Variants in NOTO observed in about 807,000 individuals in gnomAD.
NOTO encodes homeobox protein notochord.
In NOTO, 19 loss-of-function variants were observed where a neutral mutation model predicts 20.5. The observed-to-expected ratio is 0.93, with a 90% CI of 0.65 to 1.36. The LOEUF is 1.36. NOTO is among the 40% of genes most tolerant of loss of function. NOTO has a pLI of 0.00. For synonymous variants in NOTO, 150 were observed against 150.2 expected, an observed-to-expected ratio of 1.00 and a Z score of 0.01; for missense variants, 369 against 336.2, an observed-to-expected ratio of 1.10 and a Z score of -0.76.
chr2:73,204,735 C>T (rs896646014), intron 1 of NOTO, among the ~76,000 whole-genome samples: 3 of 152,148 alleles, frequency 2.0e-5, no homozygotes, highest in Non-Finnish European at 4.4e-5. Context: ...GACGGAGTCT[C>T]ACTCTGTCTC....
intron 1 of NOTO, among the ~76,000 whole-genome samples, chr2:73,204,884 TTTA>T (rs1259103290): frequency 0.014 from 1,099 of 76,872 alleles, 119 homozygotes; most frequent in African/African-American, 0.038. Context: ...TTTTTATTTT[TTTA>T]TTTTTTTTTT....
intron 2 of NOTO, among the ~76,000 whole-genome samples, chr2:73,209,425 A>G (rs900544325): frequency 1.3e-5 from 2 of 151,996 alleles, no homozygotes; most frequent in Non-Finnish European, 2.9e-5. Flanking sequence ...CAAGGTCTCT[A>G]ATAACCTCCA....
chr2:73,202,674 G>A lies in NOTO; in HGVS notation c.8G>A (p.Ser3Asn). 1 of 1,488,032 alleles carries A rather than the reference G, an allele frequency of 6.7e-7. No homozygotes were observed. Among genetic ancestry groups the A allele is most frequent in the Non-Finnish European group, 8.9e-7 (1 of 1,126,962 alleles). The allele number at this position is 1,488,032 out of a possible 1,614,324, so 92.2% of individuals were successfully genotyped here. ...CCGGGCAACGGCCGCGTCATGCCTA[G>A]CCCCAGGCCGCGAGGCAGCCCGCCA... MP[S>N]PRPRGSPPPA... is the part of the protein sequence containing the mutation. The change falls in exon 1 of 3, where the codon AGC becomes AAC. Residue 3 changes from serine to asparagine, a missense_variant. Transcript: ENST00000398468.
chr2:73,208,578 C>G lies in NOTO; in HGVS notation c.561C>G (p.Ala187=), dbSNP rs2103695141. The change falls in exon 2 of 3, where the codon GCC becomes GCG. Residue 187 remains alanine, a synonymous_variant. Transcript: ENST00000398468. ...KQHNLVGKKR[A]QLAARLKLTE... is the part of the protein sequence containing the mutation. ...ACAATCTGGTGGGGAAGAAGAGAGC[C>G]CAGCTGGCAGCTCGGCTCAAACTTA... 6.4e-7 allele frequency: 1 copy of G among 1,551,354 alleles called. No individual in the cohort carries two copies. Among genetic ancestry groups the G allele is most frequent in the Admixed American group, 2.0e-5 (1 of 50,998 alleles).
At chr2:73,205,299 C>T (rs1033766390) in intron 1 of NOTO, among the ~76,000 whole-genome samples, 2 of 152,122 alleles carry the variant, frequency 1.3e-5, no homozygotes, top group African/African-American at 4.8e-5. Context: ...ACTACTTCAG[C>T]TCAGGAGTTG....
Position 73,202,846 on chromosome 2 carries a change from C to T in NOTO, c.180C>T (p.Pro60=), listed in dbSNP as rs768718226. The change falls in exon 1 of 3, where the codon CCC becomes CCT. Residue 60 remains proline (P), a synonymous_variant. Transcript: ENST00000398468. The part of the protein sequence containing the change: ...SVEAILARPD[P]CAPAASQPSG... Reference sequence around the variant, plus strand: ...AGGCCATCCTGGCGAGGCCCGACCCCTGCGCGCCGGCGGCCTCCCAGCCGT... The same window carrying T: ...AGGCCATCCTGGCGAGGCCCGACCCTTGCGCGCCGGCGGCCTCCCAGCCGT... 1.3e-6 allele frequency: 2 copies of T among 1,526,288 alleles called. No individual in the cohort carries two copies. The highest frequency in any genetic ancestry group is 2.4e-5 in the South Asian group (2 of 83,102). The allele number at this position is 1,526,288 out of a possible 1,614,324, so 94.5% of individuals were successfully genotyped here.
chr2:73,206,074 T>G lies in NOTO; in HGVS notation c.383-2326T>G, dbSNP rs552904869. Among the ~76,000 whole-genome samples, 50 of 152,240 alleles carry G rather than the reference T, an allele frequency of 3.3e-4. No homozygotes were observed. The South Asian group carries it at 6.4e-3, about 20-fold the overall frequency. On this transcript the variant is annotated intron_variant, in intron 1 of 2. Transcript: ENST00000398468. ...TGATACTTGGAAAGAACTTCCTCAC[T>G]GTGAAGTCATAAAATAACTTCCCCA...
At position 73,208,614 on chromosome 2, in the gene NOTO, G is replaced by T; in HGVS notation, c.597G>T (p.Gln199His). ...CTCGGCTCAAACTTACAGAGAACCA[G>T]GTGGGAGTAGGGACTCCTATTGGGC... ...LAARLKLTENQVRVWFQNRRV... is the reference protein window; with the variant it reads ...LAARLKLTENHVRVWFQNRRV... The change falls in exon 2 of 3, where the codon CAG becomes CAT. Residue 199 changes from glutamine (Q) to histidine (H), a missense_variant and splice_region_variant. Gln to His is a conservative substitution (Grantham distance 24, BLOSUM62 0). Coordinates refer to ENST00000398468, the MANE Select transcript of NOTO (RefSeq NM_001134462.2). 6.5e-7 allele frequency: 1 copy of T among 1,545,328 alleles called. No homozygotes were observed. The highest frequency in any genetic ancestry group is 1.2e-5 in the South Asian group (1 of 83,906).
At chr2:73,209,153 C>T (rs964662671) in intron 2 of NOTO, among the ~76,000 whole-genome samples, 2 of 103,852 alleles carry the variant, frequency 1.9e-5, no homozygotes, top group African/African-American at 7.8e-5. Context: ...CCAGCTTGGG[C>T]AACATTTGGA....
chr2:73,211,132 A>C lies in NOTO; in HGVS notation c.*203A>C. On this transcript the variant is annotated 3_prime_UTR_variant, in exon 3 of 3. Coordinates refer to ENST00000398468, the MANE Select transcript of NOTO (RefSeq NM_001134462.2). The stretch of plus-strand genomic sequence containing the variant: ...GAGGCACAGACTCTGGCCTTCAGCT[A>C]TGTCCTTGGCCAACCTATGGAACTT... The C allele has an allele frequency of 1.9e-6, 1 of 536,600 alleles. No homozygotes were observed. The highest frequency in any genetic ancestry group is 3.3e-6 in the Non-Finnish European group (1 of 305,024). 33.2% of individuals were successfully genotyped at this position (536,600 alleles called of 1,614,324 possible).
rs1322188086 is a variant in NOTO, at chr2:73,203,065, G to A, written c.382+17G>A. 20 of 1,372,124 alleles carry A rather than the reference G, an allele frequency of 1.5e-5. No homozygotes were observed. Among genetic ancestry groups the A allele is most frequent in the Non-Finnish European group, 1.7e-5 (18 of 1,069,012 alleles). 85.0% of individuals were successfully genotyped at this position (1,372,124 alleles called of 1,614,324 possible). A position where few individuals can be genotyped will look rare whatever the true frequency, so the allele number is the denominator to read the frequency against. On this transcript the variant is annotated intron_variant, in intron 1 of 2. Coordinates refer to ENST00000398468, the MANE Select transcript of NOTO (RefSeq NM_001134462.2). Reference sequence around the variant, plus strand: ...GCGTCACAGGTACTGCGGTCCCGGCGCCCGCACGCGGGGGACTGGGCGGGG... The same window carrying A: ...GCGTCACAGGTACTGCGGTCCCGGCACCCGCACGCGGGGGACTGGGCGGGG...
intron 1 of NOTO, among the ~76,000 whole-genome samples, chr2:73,204,715 T>G (rs1195587611): frequency 6.6e-6 from 1 of 152,006 alleles, no homozygotes; most frequent in Non-Finnish European, 1.5e-5. Flanking sequence ...TCTGTTTTGT[T>G]TTGTTTTGAG....
At chr2:73,209,707 C>T (rs947950424) in intron 2 of NOTO, among the ~76,000 whole-genome samples, 7 of 152,128 alleles carry the variant, frequency 4.6e-5, no homozygotes, top group Non-Finnish European at 8.8e-5. Flanking sequence ...AATTTGTATC[C>T]TCAGCACAAC....
Position 73,210,780 on chromosome 2 carries a change from T to C in NOTO, c.607T>C (p.Trp203Arg), listed in dbSNP as rs1179297618. 6.4e-7 allele frequency: 1 copy of C among 1,550,420 alleles called. No individual in the cohort carries two copies. The highest frequency in any genetic ancestry group is 8.7e-7 in the Non-Finnish European group (1 of 1,146,232). The change falls in exon 3 of 3, where the codon TGG becomes CGG. Residue 203 changes from tryptophan to arginine, a missense_variant. Coordinates refer to ENST00000398468, the MANE Select transcript of NOTO (RefSeq NM_001134462.2). ...CACTCTCCAATTATAGGTGAGAGTC[T>C]GGTTCCAGAACCGCAGGGTCAAGTA... ...LKLTENQVRV[W>R]FQNRRVKYQK...
In NOTO at chr2:73,210,846, G is replaced by C. The variant is rs1004134249; in HGVS notation, c.673G>C (p.Glu225Gln). Residue 225 changes from glutamate (E) to glutamine (Q), a missense_variant, in exon 3 of 3, where the codon GAG becomes CAG. Physicochemically the swap from Glu to Gln is conservative, Grantham distance 29. Transcript: ENST00000398468. ...QKLRAAVTSA[E>Q]AASLDEPSSS... ...GCTGAGGGCAGCAGTTACATCTGCC[G>C]AGGCTGCCTCCCTGGATGAGCCTTC... is the stretch of plus-strand genomic sequence containing the variant. The C allele has an allele frequency of 5.8e-6, 9 of 1,551,612 alleles. No homozygotes were observed. Among genetic ancestry groups the C allele is most frequent in the Non-Finnish European group, 6.1e-6 (7 of 1,146,900 alleles).
At chr2:73,206,417 C>T (rs114595743) in intron 1 of NOTO, among the ~76,000 whole-genome samples, 82 of 152,020 alleles carry the variant, frequency 5.4e-4, no homozygotes, top group African/African-American at 1.9e-3. Context: ...TGGCTCACTA[C>T]AACCTCTGCC....
intron 1 of NOTO, among the ~76,000 whole-genome samples, chr2:73,203,901 C>A (rs1428053427): frequency 3.3e-5 from 3 of 91,408 alleles, no homozygotes; most frequent in Non-Finnish European, 6.6e-5. Flanking sequence ...GAGATCGAGA[C>A]CATCCTGGCT....
At chr2:73,204,201 C>T (rs573227707) in intron 1 of NOTO, among the ~76,000 whole-genome samples, 1 of 152,148 alleles carries the variant, frequency 6.6e-6, no homozygotes, top group African/African-American at 2.4e-5. Flanking sequence ...TCACTTGAAC[C>T]CGGGAGGTTG....
rs1450734727 is a variant in NOTO, at chr2:73,202,710, C to A, written c.44C>A (p.Ser15Ter). Residue 15 changes from serine to a stop codon, truncating the protein, a stop_gained, in exon 1 of 3, where the codon TCG becomes TAG. Transcript: ENST00000398468. LOFTEE classifies it high-confidence loss of function. ...RPRGSPPPAP[S>*]GSRVRPPRSG... ...CGAGGCAGCCCGCCACCCGCTCCCT[C>A]GGGCTCTCGGGTCCGACCTCCGCGC... is the stretch of plus-strand genomic sequence containing the variant. The A allele has an allele frequency of 6.6e-7, 1 of 1,515,168 alleles. No individual in the cohort carries two copies. Among genetic ancestry groups the A allele is most frequent in the Non-Finnish European group, 8.8e-7 (1 of 1,137,998 alleles). The allele number at this position is 1,515,168 out of a possible 1,614,324, so 93.9% of individuals were successfully genotyped here.
Sources: allele counts gnomAD v4.1 joint callset (sites outside exome capture counted in the v4.1 genomes callset), GRCh38; gene constraint gnomAD v4.1.1; transcripts MANE v1.5; gene names NCBI Gene and HGNC (gene_info 2026-07-23, HGNC 2026-07-21).